Variants in PICALM observed in about 807,000 individuals in gnomAD.
The protein encoded by PICALM is phosphatidylinositol binding clathrin assembly protein.
Under a neutral mutation model 80.5 loss-of-function variants are expected in PICALM, and 40 were observed. The observed-to-expected ratio is 0.50, with a 90% CI of 0.39 to 0.65. The LOEUF is 0.65. Ranked by LOEUF, PICALM falls within the 30% of genes least tolerant of loss-of-function variation. PICALM has a pLI of 0.00. For synonymous variants in PICALM, 288 were observed against 260.3 expected (o/e 1.11, Z -1.02); for missense variants, 676 against 778.9 (o/e 0.87, Z 1.57).
chr11:85,977,926 T>C, intron 17 of PICALM: 4 of 685,346 alleles, frequency 5.8e-6, no homozygotes, highest in Non-Finnish European at 1.1e-5. Context: ...ACCCATGAAA[T>C]CAGTAGATGC....
intron 13 of PICALM, among the ~76,000 whole-genome samples, chr11:85,989,210 A>G (rs1439056294): frequency 6.6e-6 from 1 of 152,208 alleles, no homozygotes; most frequent in Non-Finnish European, 1.5e-5. Context: ...GACATGAAGG[A>G]ATTACTGCAA....
chr11:86,065,318 CGCCTGTAGTCACAGCTA>C (rs1424252293), intron 1 of PICALM, among the ~76,000 whole-genome samples: 1 of 151,854 alleles, frequency 6.6e-6, no homozygotes, highest in Admixed American at 6.6e-5. Context: ...TGGTGGCATG[CGCCTGTAGTCACAGCTA>C]CTCAAGAGGC....
chr11:85,965,936 C>A (rs1226661428), intron 19 of PICALM, among the ~76,000 whole-genome samples: 1 of 150,546 alleles, frequency 6.6e-6, no homozygotes, highest in Non-Finnish European at 1.5e-5. Context: ...CCTGCCTCAG[C>A]CTCCTGAGTT....
chr11:85,975,481 T>A (rs2094248362), intron 18 of PICALM, among the ~76,000 whole-genome samples: 1 of 152,040 alleles, frequency 6.6e-6, no homozygotes, highest in Non-Finnish European at 1.5e-5. Flanking sequence ...TTGGTTAAAA[T>A]GCAATGCTCT....
At chr11:85,960,520 T>C (rs1460392847) in intron 19 of PICALM, among the ~76,000 whole-genome samples, 3 of 152,228 alleles carry the variant, frequency 2.0e-5, no homozygotes, top group Admixed American at 6.5e-5. Context: ...TGTCCTATCT[T>C]TTCATTCTGC....
chr11:85,961,730 C>A (rs1251709084), intron 19 of PICALM, among the ~76,000 whole-genome samples: 2 of 152,150 alleles, frequency 1.3e-5, no homozygotes, highest in Non-Finnish European at 2.9e-5. Flanking sequence ...ATGAGCTTTT[C>A]TTTTAGGGAT....
In PICALM at chr11:86,003,684, T is replaced by G. The variant is rs965591579; in HGVS notation, c.808-233A>C. ...CAAAAACGTTAAGAACTGAAAACTA[T>G]GTAAACATGAAACATTTTTTAAAAA... On this transcript the variant is annotated intron_variant, in intron 8 of 19. Coordinates refer to ENST00000393346, the MANE Select transcript of PICALM (RefSeq NM_007166.4). The G allele has an allele frequency of 2.4e-5, 8 of 336,452 alleles. No homozygotes were observed. The East Asian group carries it at 3.2e-4, about 13-fold the overall frequency. 20.8% of individuals were successfully genotyped at this position (336,452 alleles called of 1,614,324 possible).
At position 85,958,334 on chromosome 11, in the gene PICALM, G is replaced by A. The variant is rs917325944; in HGVS notation, c.*712C>T. ...GAATTCTTAAGAGATTCAGACCTAT[G>A]GACTTGCCTTAAAATATTTAGTGCT... On this transcript the variant is annotated 3_prime_UTR_variant, in exon 20 of 20. Transcript: ENST00000393346. 1 of 213,528 alleles carries A rather than the reference G, an allele frequency of 4.7e-6. No homozygotes were observed. Among genetic ancestry groups the A allele is most frequent in the African/African-American group, 2.3e-5 (1 of 44,280 alleles). 13.2% of individuals were successfully genotyped at this position (213,528 alleles called of 1,614,324 possible). A position where few individuals can be genotyped will look rare whatever the true frequency, so the allele number is the denominator to read the frequency against.
chr11:86,068,720 C>T lies in PICALM; in HGVS notation c.61G>A (p.Ala21Thr). 5 of 1,613,232 alleles carry T rather than the reference C, an allele frequency of 3.1e-6. No homozygotes were observed. Among genetic ancestry groups the T allele is most frequent in the Non-Finnish European group, 4.2e-6 (5 of 1,179,822 alleles). ...TAAQHSVTGS[A>T]VSKTVCKATT... ...GCCTTGCATACTGTCTTGGATACGGCAGAGCCGGTGACACTGTGCTGGGCG... is the reference window on the plus strand; with the variant it reads ...GCCTTGCATACTGTCTTGGATACGGTAGAGCCGGTGACACTGTGCTGGGCG... Residue 21 changes from alanine (A) to threonine (T), a missense_variant, in exon 1 of 20, where the codon GCC becomes ACC. Physicochemically the swap from Ala to Thr is moderately conservative, Grantham distance 58. Around this residue, in one of 2 missense-constraint regions of PICALM, gnomAD observed 285 missense variants for 395.4 expected, o/e 0.72. Coordinates refer to ENST00000393346, the MANE Select transcript of PICALM (RefSeq NM_007166.4).
At chr11:86,021,926 T>C (rs1428811676) in intron 4 of PICALM, among the ~76,000 whole-genome samples, 3 of 152,196 alleles carry the variant, frequency 2.0e-5, no homozygotes. Context: ...AAAGGTCACA[T>C]ATTGTATAAT....
In PICALM at chr11:86,026,311, C is replaced by A; in HGVS notation, c.330G>T (p.Leu110Phe). The change falls in exon 3 of 20, where the codon TTG (leucine) becomes TTT (phenylalanine). Residue 110 changes from leucine (L) to phenylalanine (F), a missense_variant. Leu to Phe is a conservative substitution (Grantham distance 22). Around this residue, in one of 2 missense-constraint regions of PICALM, gnomAD observed 285 missense variants for 395.4 expected, o/e 0.72. Transcript: ENST00000393346. Reference sequence around the variant, plus strand: ...CTTTACCTTGCAATCCACTTTTATCCAAAAAATTGCTTAAGTTAAACAACG... The same window carrying A: ...CTTTACCTTGCAATCCACTTTTATCAAAAAAATTGCTTAAGTTAAACAACG... ...RNTLFNLSNF[L>F]DKSGLQGYDM... 1 of 1,596,554 alleles carries A rather than the reference C, an allele frequency of 6.3e-7. No homozygotes were observed. Among genetic ancestry groups the A allele is most frequent in the South Asian group, 1.1e-5 (1 of 90,186 alleles).
chr11:85,973,097 T>C (rs1449436553), intron 19 of PICALM, among the ~76,000 whole-genome samples: 3 of 152,188 alleles, frequency 2.0e-5, no homozygotes, highest in Non-Finnish European at 4.4e-5. Context: ...AATACTTAAC[T>C]GATTAAAGAA....
chr11:85,980,166 A>G (rs2094399015), intron 17 of PICALM, among the ~76,000 whole-genome samples: 1 of 152,200 alleles, frequency 6.6e-6, no homozygotes, highest in Admixed American at 6.5e-5. Context: ...TGACTCATCC[A>G]ATACAGTTCA....
chr11:86,011,140 A>T lies in PICALM; in HGVS notation c.659-4T>A. The T allele has an allele frequency of 8.1e-7, 1 of 1,231,608 alleles. No homozygotes were observed. Among genetic ancestry groups the T allele is most frequent in the Non-Finnish European group, 1.2e-6 (1 of 856,112 alleles). The allele number at this position is 1,231,608 out of a possible 1,614,324, so 76.3% of individuals were successfully genotyped here. ...TTTTTCATATCAAAATATTTTTCTG[A>T]CAAAATAAATGTAAAAATTCTTTTG... On this transcript the variant is annotated splice_region_variant and splice_polypyrimidine_tract_variant and intron_variant, in intron 6 of 19. Coordinates refer to ENST00000393346, the MANE Select transcript of PICALM (RefSeq NM_007166.4).
At chr11:85,997,818 T>G (rs1415736925) in intron 11 of PICALM, among the ~76,000 whole-genome samples, 1 of 152,106 alleles carries the variant, frequency 6.6e-6, no homozygotes, top group Non-Finnish European at 1.5e-5. Flanking sequence ...AGTCTCACTC[T>G]GTTGTCCAGG....
rs148170454 is a variant in PICALM at position 86,054,044 on chromosome 11, T to C, written c.130+14607A>G. ...TTCATACTATCACCCAATAAGATAGTTTGTGTTAAGTTCATTCATAAATTT... is the reference window on the plus strand; with the variant it reads ...TTCATACTATCACCCAATAAGATAGCTTGTGTTAAGTTCATTCATAAATTT... On this transcript the variant is annotated intron_variant, in intron 1 of 19. Transcript: ENST00000393346. Among the ~76,000 whole-genome samples, 4 of 152,324 alleles carry C rather than the reference T, an allele frequency of 2.6e-5. No individual in the cohort carries two copies. The East Asian group carries it at 7.7e-4, about 29-fold the overall frequency.
rs1305785408 is a variant in PICALM, at chr11:86,031,478, A to G, written c.264T>C (p.Tyr88=). 6.8e-6 allele frequency: 11 copies of G among 1,611,612 alleles called. No homozygotes were observed. Among genetic ancestry groups the G allele is most frequent in the Non-Finnish European group, 7.6e-6 (9 of 1,179,220 alleles). Residue 88 remains tyrosine (Y), a synonymous_variant, in exon 2 of 20, where the codon TAT becomes TAC. Coordinates refer to ENST00000393346, the MANE Select transcript of PICALM (RefSeq NM_007166.4). ...SLITTHHLMV[Y]GNERFIQYLA... ...TAAAAATTCTGCTTACCTCATTTCC[A>G]TACACCATCAAATGATGAGTTGTAA...
At chr11:85,979,470 A>C (rs1362210147) in intron 17 of PICALM, among the ~76,000 whole-genome samples, 1 of 151,940 alleles carries the variant, frequency 6.6e-6, no homozygotes, top group East Asian at 1.9e-4. Context: ...AGCCTGGGCA[A>C]AAGAGCAAGA....
chr11:85,999,663 G>C (rs959076219), intron 11 of PICALM, among the ~76,000 whole-genome samples: 1 of 152,218 alleles, frequency 6.6e-6, no homozygotes, highest in East Asian at 1.9e-4. Context: ...AGCAGTTCAC[G>C]TAGTAAAACT....
Sources: allele counts gnomAD v4.1 joint callset (sites outside exome capture counted in the v4.1 genomes callset), GRCh38; gene constraint gnomAD v4.1.1; regional missense constraint gnomAD v4.1.1; transcripts MANE v1.5; gene names NCBI Gene and HGNC (gene_info 2026-07-23, HGNC 2026-07-21).